RPL36A: variants seen among roughly 807,000 people sequenced by gnomAD.
RPL36A encodes the protein large ribosomal subunit protein eL42.
For synonymous variants in RPL36A, 25 were observed against 28.5 expected, an observed-to-expected ratio of 0.88 and a Z score of 0.39; for missense variants, 20 against 81.0, an observed-to-expected ratio of 0.25 and a Z score of 2.89.
intron 3 of RPL36A, chrX:101,393,641 A>G (rs1927907099): frequency 8.9e-6 from 1 of 111,791 alleles, no homozygotes; most frequent in African/African-American, 3.3e-5. Flanking sequence ...TGAAAATGAC[A>G]CTTAAACCTA....
intron 3 of RPL36A, chrX:101,393,745 C>T (rs1436059715): frequency 2.7e-5 from 3 of 111,745 alleles, no homozygotes; most frequent in Admixed American, 9.6e-5. Context: ...TTGTCAAGGT[C>T]ATCAAAAAAG....
intron 3 of RPL36A, chrX:101,393,473 A>C (rs1474594253): frequency 8.9e-6 from 1 of 112,359 alleles, no homozygotes; most frequent in Middle Eastern, 4.2e-3. Context: ...ACATATTTTA[A>C]AATAACTTAG....
chrX:101,394,750 GT>G (rs1194658053), intron 3 of RPL36A, among the ~76,000 whole-genome samples: 84 of 91,148 alleles, frequency 9.2e-4, no homozygotes, highest in Non-Finnish European at 1.6e-3. Flanking sequence ...ATATTTTTAT[GT>G]TTTTTATATA....
At chrX:101,391,139 T>G in intron 1 of RPL36A, 93 bp downstream of exon 1, 1 of 989,096 alleles carries the variant, frequency 1.0e-6, no homozygotes, top group Non-Finnish European at 1.4e-6. Flanking sequence ...CAGGCTCCTG[T>G]GTGGACTCGA....
In RPL36A at chrX:101,391,539, G is replaced by A. The variant is rs146187652; in HGVS notation, c.84G>A (p.Lys28=). 7.4e-6 allele frequency: 9 copies of A among 1,210,200 alleles called. No individual in the cohort carries two copies. The highest frequency in any genetic ancestry group is 3.5e-5 in the South Asian group (2 of 56,860). Residue 28 remains lysine, a synonymous_variant, in exon 2 of 5, where the codon AAG becomes AAA. Coordinates refer to ENST00000553110, the MANE Select transcript of RPL36A (RefSeq NM_021029.6). ...HQPHKVTQYK[K]GKDSLYAQGK... ...CCCATAAAGTGACACAGTACAAGAA[G>A]GGCAAGGATTCTCTGTACGCCCAGG...
At chrX:101,392,423 T>G (rs1927843464) in intron 3 of RPL36A, 1 of 792,109 alleles carries the variant, frequency 1.3e-6, no homozygotes, top group African/African-American at 2.2e-5. Flanking sequence ...GCACTTTGCT[T>G]CTTGTGCAGT....
chrX:101,391,252 GTGGA>G, intron 1 of RPL36A: 4 of 582,496 alleles, frequency 6.9e-6, no homozygotes, highest in Non-Finnish European at 1.1e-5. Context: ...TTAGCCGGGG[GTGGA>G]GTTAATGAGG....
At chrX:101,392,774 A>G (rs1927861108) in intron 3 of RPL36A, 1 of 257,709 alleles carries the variant, frequency 3.9e-6, no homozygotes, top group South Asian at 1.9e-4. Flanking sequence ...TGTTTATAAT[A>G]GCTAAGATTT....
intron 3 of RPL36A, 161 bp downstream of exon 3, chrX:101,391,983 T>A: frequency 1.7e-6 from 2 of 1,173,546 alleles, no homozygotes; most frequent in Non-Finnish European, 2.3e-6. Flanking sequence ...ATGCAACTCA[T>A]GTCTGACTAG....
chrX:101,394,744 T>A, intron 3 of RPL36A, among the ~76,000 whole-genome samples: 1 of 100,959 alleles, frequency 9.9e-6, no homozygotes, highest in Non-Finnish European at 2.0e-5. Flanking sequence ...TTATATATAT[T>A]TTTATGTTTT....
chrX:101,391,277 C>T (rs1555983360), intron 1 of RPL36A, 182 bp from the exon 2 acceptor site: 2 of 617,596 alleles, frequency 3.2e-6, no homozygotes, highest in Admixed American at 3.2e-5. Flanking sequence ...TCTCTTCCCT[C>T]TTTGGGGCTC....
At position 101,395,468 on chromosome X, in the gene RPL36A, A is replaced by G. The variant is rs1927990373; in HGVS notation, c.300+11A>G. On this transcript the variant is annotated intron_variant, in intron 4 of 4. Transcript: ENST00000553110. ...GATAAGAAGAGAAAGGTATATAATT[A>G]TGGGTGGAAGGTGCAATCTTTTTCA... The G allele has an allele frequency of 8.3e-7, 1 of 1,201,119 alleles. No individual in the cohort carries two copies. Among genetic ancestry groups the G allele is most frequent in the African/African-American group, 1.8e-5 (1 of 56,450 alleles).
intron 1 of RPL36A, 85 bp downstream of exon 1, chrX:101,391,131 G>A: frequency 9.5e-7 from 1 of 1,050,300 alleles, no homozygotes; most frequent in Non-Finnish European, 1.3e-6. Flanking sequence ...GATGGGTCCA[G>A]GCTCCTGTGT....
intron 3 of RPL36A, 82 bp from the exon 4 acceptor site, chrX:101,395,253 A>G: frequency 9.5e-7 from 1 of 1,055,723 alleles, no homozygotes; most frequent in Non-Finnish European, 1.2e-6. Context: ...GCTTTGCTTT[A>G]AATAGTACTT....
intron 3 of RPL36A, among the ~76,000 whole-genome samples, chrX:101,394,847 C>T (rs1417772490): frequency 3.3e-5 from 3 of 89,970 alleles, no homozygotes; most frequent in African/African-American, 8.4e-5. Context: ...TGCAGTGGTG[C>T]GATCTCTGCT....
chrX:101,393,438 C>T (rs989866174), intron 3 of RPL36A: 2 of 111,698 alleles, frequency 1.8e-5, no homozygotes, highest in East Asian at 2.8e-4. Context: ...AGCACGACAG[C>T]GTGACTAAAG....
At chrX:101,391,106 C>T (rs1555983345) in intron 1 of RPL36A, 60 bp downstream of exon 1, 1 of 1,147,187 alleles carries the variant, frequency 8.7e-7, no homozygotes, top group East Asian at 3.0e-5. Context: ...CCCTTCGTCG[C>T]CCGTGCTATG....
chrX:101,392,431 A>C (rs1198915706), intron 3 of RPL36A: 1 of 786,915 alleles, frequency 1.3e-6, no homozygotes, highest in Non-Finnish European at 1.5e-6. Flanking sequence ...CTTCTTGTGC[A>C]GTTTAGCTCC....
chrX:101,394,702 C>G (rs946538867), intron 3 of RPL36A, among the ~76,000 whole-genome samples: 21 of 95,311 alleles, frequency 2.2e-4, no homozygotes, highest in African/African-American at 8.3e-4. Flanking sequence ...ACCACATTTT[C>G]TCTTTATATA....
Sources: gnomAD v4.1 joint callset for allele counts (sites outside exome capture counted in the v4.1 genomes callset) on GRCh38, gnomAD v4.1.1 for gene constraint, MANE v1.5 for transcripts, NCBI Gene and HGNC (gene_info 2026-07-23, HGNC 2026-07-21) for gene names.